CYB5R4: variants seen among roughly 807,000 people sequenced by gnomAD.
The protein encoded by CYB5R4 is cytochrome b5 reductase 4.
A neutral mutation model predicts 70.2 loss-of-function variants in CYB5R4; 55 were observed. The observed-to-expected ratio is 0.78, with a 90% CI of 0.63 to 0.98. CYB5R4 has a LOEUF of 0.98. Among genes scored for constraint, CYB5R4 ranks in the 50% least tolerant of loss-of-function variants. The pLI, the probability that CYB5R4 is intolerant of heterozygous loss-of-function variation, is 0.00. For missense variants in CYB5R4, 562 were observed against 612.6 expected (o/e 0.92, Z 0.87); for synonymous variants, 197 against 199.5 (o/e 0.99, Z 0.11).
intron 2 of CYB5R4, among the ~76,000 whole-genome samples, chr6:83,872,546 G>A (rs1168788025): frequency 6.6e-6 from 1 of 152,128 alleles, no homozygotes. Context: ...TTGATGCAGG[G>A]GCTCAGACCA....
At chr6:83,899,043 A>G (rs572175490) in intron 3 of CYB5R4, among the ~76,000 whole-genome samples, 14 of 152,278 alleles carry the variant, frequency 9.2e-5, no homozygotes, top group Non-Finnish European at 1.9e-4. Context: ...GTGTTGTGCC[A>G]GTTTTCAAAG....
At chr6:83,926,648 C>G (rs999534232) in intron 10 of CYB5R4, among the ~76,000 whole-genome samples, 1 of 152,106 alleles carries the variant, frequency 6.6e-6, no homozygotes, top group Non-Finnish European at 1.5e-5. Flanking sequence ...GGGGTTATGA[C>G]TTCAACATAT....
intron 14 of CYB5R4, among the ~76,000 whole-genome samples, chr6:83,948,352 C>CA (rs999200922): frequency 2.0e-5 from 3 of 152,110 alleles, no homozygotes; most frequent in African/African-American, 7.2e-5. Context: ...GAACATCACA[C>CA]AACAGGGCCT....
At chr6:83,959,683 A>G in intron 15 of CYB5R4, 141 bp from the exon 16 acceptor site, 4 of 667,726 alleles carry the variant, frequency 6.0e-6, no homozygotes, top group South Asian at 3.9e-5. Context: ...TTAAGAGGTG[A>G]TAGTGTTTTT....
At chr6:83,900,166 G>A (rs1389023859) in intron 3 of CYB5R4, among the ~76,000 whole-genome samples, 2 of 152,110 alleles carry the variant, frequency 1.3e-5, no homozygotes, top group African/African-American at 2.4e-5. Context: ...GGTATGTTGT[G>A]TCTTTGTTCT....
chr6:83,959,887 T>G lies in CYB5R4; in HGVS notation c.*9T>G. ...ATAGTTTTACAGCATAATGAAGAGC[T>G]GTCATTGTCCTTTATTCAACTAGTT... On this transcript the variant is annotated 3_prime_UTR_variant, in exon 16 of 16. Transcript: ENST00000369681. The G allele has an allele frequency of 1.9e-6, 3 of 1,590,724 alleles. No individual in the cohort carries two copies. Among genetic ancestry groups the G allele is most frequent in the Non-Finnish European group, 2.6e-6 (3 of 1,169,208 alleles).
chr6:83,863,265 A>G (rs924660007), intron 1 of CYB5R4, among the ~76,000 whole-genome samples: 11 of 152,194 alleles, frequency 7.2e-5, no homozygotes, highest in African/African-American at 2.7e-4. Flanking sequence ...GAGCCTCATA[A>G]GGTTTCAGGC....
intron 3 of CYB5R4, among the ~76,000 whole-genome samples, chr6:83,906,683 C>G (rs1220131704): frequency 6.6e-6 from 1 of 152,186 alleles, no homozygotes; most frequent in Non-Finnish European, 1.5e-5. Flanking sequence ...TCAGTGTTCT[C>G]TCTGGATGGT....
At chr6:83,896,690 G>A (rs891555292) in intron 3 of CYB5R4, among the ~76,000 whole-genome samples, 1 of 152,104 alleles carries the variant, frequency 6.6e-6, no homozygotes, top group African/African-American at 2.4e-5. Context: ...GGACACTTAG[G>A]TGGATTCCAT....
chr6:83,905,458 G>A (rs1371792325), intron 3 of CYB5R4, among the ~76,000 whole-genome samples: 1 of 152,188 alleles, frequency 6.6e-6, no homozygotes, highest in Non-Finnish European at 1.5e-5. Context: ...GTGCAGTAGT[G>A]TAGTCTCTAT....
chr6:83,939,964 A>G (rs2099469498), intron 12 of CYB5R4, 92 bp from the exon 13 acceptor site: 6 of 818,382 alleles, frequency 7.3e-6, no homozygotes, highest in Admixed American at 2.5e-5. Context: ...TTTTAAATTC[A>G]GCTAGTTTTG....
At chr6:83,955,752 G>A (rs2099472332) in intron 15 of CYB5R4, among the ~76,000 whole-genome samples, 1 of 152,008 alleles carries the variant, frequency 6.6e-6, no homozygotes, top group African/African-American at 2.4e-5. Flanking sequence ...TTCTTATTTG[G>A]GACATTAGGC....
chr6:83,900,750 T>C (rs2099462790), intron 3 of CYB5R4, among the ~76,000 whole-genome samples: 1 of 152,190 alleles, frequency 6.6e-6, no homozygotes, highest in Non-Finnish European at 1.5e-5. Flanking sequence ...TTGATCTTTG[T>C]TGGTTTAAAG....
At position 83,966,951 on chromosome 6, in the gene CYB5R4, TA is replaced by T. The variant is rs2099474183; in HGVS notation, c.*7076del. ...AGTAAAATTACTGAACCATGAAAAG[TA>T]AATGCCTTTAGTTATCTAAACAAAA... On this transcript the variant is annotated 3_prime_UTR_variant, in exon 16 of 16. Coordinates refer to ENST00000369681, the MANE Select transcript of CYB5R4 (RefSeq NM_016230.4). 6.6e-6 allele frequency: 1 copy of T among 152,086 alleles called. No homozygotes were observed. The highest frequency in any genetic ancestry group is 1.5e-5 in the Non-Finnish European group (1 of 68,008). 9.4% of individuals were successfully genotyped at this position (152,086 alleles called of 1,614,324 possible).
chr6:83,915,138 C>T (rs1467170784), intron 5 of CYB5R4, among the ~76,000 whole-genome samples: 1 of 152,118 alleles, frequency 6.6e-6, no homozygotes, highest in Non-Finnish European at 1.5e-5. Flanking sequence ...GTGCATCCAG[C>T]CATTCTGGAT....
Position 83,960,950 on chromosome 6 carries a change from C to A in CYB5R4, c.*1072C>A, listed in dbSNP as rs769039201. The A allele has an allele frequency of 1.2e-4, 18 of 152,188 alleles. No individual in the cohort carries two copies. Among genetic ancestry groups the A allele is most frequent in the Non-Finnish European group, 2.4e-4 (16 of 68,036 alleles). The allele number at this position is 152,188 out of a possible 1,614,324, so 9.4% of individuals were successfully genotyped here. Reference sequence around the variant, plus strand: ...AGGAAACTGTTGAATGCATAGGTAGCTACTGTATAAGCTAACTAGGATTTT... The same window carrying A: ...AGGAAACTGTTGAATGCATAGGTAGATACTGTATAAGCTAACTAGGATTTT... On this transcript the variant is annotated 3_prime_UTR_variant, in exon 16 of 16. Coordinates refer to ENST00000369681, the MANE Select transcript of CYB5R4 (RefSeq NM_016230.4).
At chr6:83,871,557 A>G (rs909713597) in intron 2 of CYB5R4, among the ~76,000 whole-genome samples, 2 of 151,992 alleles carry the variant, frequency 1.3e-5, no homozygotes, top group Admixed American at 1.3e-4. Context: ...GCCTTATCTA[A>G]CCCTCAGGTG....
At chr6:83,933,459 T>G (rs2099468454) in intron 10 of CYB5R4, among the ~76,000 whole-genome samples, 1 of 152,180 alleles carries the variant, frequency 6.6e-6, no homozygotes, top group South Asian at 2.1e-4. Flanking sequence ...TATTAGCTGT[T>G]GGCCCTTCAC....
intron 6 of CYB5R4, among the ~76,000 whole-genome samples, chr6:83,918,733 A>AG (rs2099465892): frequency 6.6e-6 from 1 of 152,096 alleles, no homozygotes; most frequent in African/African-American, 2.4e-5. Flanking sequence ...AAATGCCTTC[A>AG]GGTGTGTTCT....
Sources: gnomAD v4.1 joint callset for allele counts (sites outside exome capture counted in the v4.1 genomes callset) on GRCh38, gnomAD v4.1.1 for gene constraint, MANE v1.5 for transcripts, NCBI Gene and HGNC (gene_info 2026-07-23, HGNC 2026-07-21) for gene names.